The following SLC22A15 variants were observed in gnomAD, a reference collection of about 807,000 sequenced individuals.
SLC22A15 encodes the protein solute carrier family 22 member 15.
SLC22A15 carries 45 observed loss-of-function variants against 62.7 expected under a neutral mutation model. That is an observed-to-expected ratio of 0.72 (90% CI 0.56 to 0.92). SLC22A15 has a LOEUF of 0.92. Ranked by LOEUF, SLC22A15 falls within the 40% of genes least tolerant of loss-of-function variation. The probability of loss-of-function intolerance (pLI) is 0.00; values close to 1 mark genes in which losing one functional copy is unlikely to be tolerated. For missense variants in SLC22A15, 622 were observed against 665.6 expected (o/e 0.93, Z 0.72); for synonymous variants, 264 against 267.0 (o/e 0.99, Z 0.11).
intron 3 of SLC22A15, 126 bp from the exon 4 acceptor site, chr1:116,020,595 C>A: frequency 2.4e-6 from 2 of 819,206 alleles, no homozygotes; most frequent in East Asian, 3.2e-5. Flanking sequence ...AAAAAGAAAC[C>A]CACAAAAACA....
chr1:116,027,656 G>A (rs560014068), intron 5 of SLC22A15, among the ~76,000 whole-genome samples: 36 of 151,026 alleles, frequency 2.4e-4, no homozygotes, highest in African/African-American at 5.4e-4. Flanking sequence ...ACGGAGTTTC[G>A]CCCTTGTTGC....
intron 1 of SLC22A15, among the ~76,000 whole-genome samples, chr1:115,977,618 G>C (rs1270906218): frequency 6.6e-6 from 1 of 152,216 alleles, no homozygotes; most frequent in Non-Finnish European, 1.5e-5. Context: ...TTTAATACGG[G>C]CTAGGATGTG....
chr1:116,000,253 C>T (rs1655654478), intron 2 of SLC22A15, among the ~76,000 whole-genome samples: 1 of 151,986 alleles, frequency 6.6e-6, no homozygotes, highest in Non-Finnish European at 1.5e-5. Context: ...TTTCGTGTAT[C>T]TGTTGTAGGT....
chr1:115,992,481 A>G (rs1311014705), intron 2 of SLC22A15, among the ~76,000 whole-genome samples: 2 of 152,186 alleles, frequency 1.3e-5, no homozygotes, highest in Non-Finnish European at 2.9e-5. Context: ...AAAAGATACA[A>G]ACTCCAAAAG....
chr1:116,027,550 AAAT>A (rs1258893896), intron 5 of SLC22A15, among the ~76,000 whole-genome samples: 1 of 152,160 alleles, frequency 6.6e-6, no homozygotes, highest in African/African-American at 2.4e-5. Context: ...AGGACTCTAT[AAAT>A]GACTGCCCAA....
chr1:116,061,158 G>A (rs1484933231), intron 8 of SLC22A15, among the ~76,000 whole-genome samples: 5 of 152,080 alleles, frequency 3.3e-5, no homozygotes, highest in Non-Finnish European at 5.9e-5. Context: ...TGAGGAACAC[G>A]AATACAAGGA....
intron 4 of SLC22A15, among the ~76,000 whole-genome samples, chr1:116,022,957 G>C (rs1248199851): frequency 6.6e-6 from 1 of 151,966 alleles, no homozygotes; most frequent in Non-Finnish European, 1.5e-5. Flanking sequence ...TCTTCCCCAG[G>C]GTTTTGTCCT....
chr1:116,062,770 G>A lies in SLC22A15; in HGVS notation c.1180G>A (p.Val394Met), dbSNP rs1489713611. The change falls in exon 9 of 12, where the codon GTG (valine) becomes ATG (methionine). Residue 394 changes from valine (V) to methionine (M), a missense_variant. Transcript: ENST00000369503. ...GCCCTTGTCCTCCTCAGACACAGGT[G>A]TGTTTGCAGTGGTGAACAGCCATTC... ...MFLPEKKDTG[V>M]FAVVNSHSLS... The A allele has an allele frequency of 1.2e-6, 2 of 1,613,754 alleles. No homozygotes were observed. The highest frequency in any genetic ancestry group is 1.3e-5 in the African/African-American group (1 of 74,934).
intron 4 of SLC22A15, among the ~76,000 whole-genome samples, chr1:116,026,536 G>C (rs115846537): frequency 1.3e-5 from 2 of 152,126 alleles, no homozygotes; most frequent in African/African-American, 4.8e-5. Context: ...CCTGAAAAGC[G>C]TATTACCCAT....
intron 1 of SLC22A15, 78 bp downstream of exon 1, chr1:115,976,792 C>T: frequency 1.4e-5 from 16 of 1,168,604 alleles, no homozygotes; most frequent in Non-Finnish European, 2.0e-5. Flanking sequence ...GCTCCCAGAC[C>T]GCCGGGGCCG....
rs567646963 is a variant in SLC22A15, at chr1:116,010,807, G to T, written c.301-8775G>T. On this transcript the variant is annotated intron_variant, in intron 2 of 11. Transcript: ENST00000369503. Reference sequence around the variant, plus strand: ...GGAAGCTGCTATTGGCTTCATCCCCGCAGCCTTGAAATACTGACAAGCTAG... The same window carrying T: ...GGAAGCTGCTATTGGCTTCATCCCCTCAGCCTTGAAATACTGACAAGCTAG... 2.0e-5 allele frequency among the ~76,000 whole-genome samples: 3 copies of T among 152,240 alleles called. No homozygotes were observed. The East Asian group carries it at 5.8e-4, about 29-fold the overall frequency.
intron 8 of SLC22A15, among the ~76,000 whole-genome samples, chr1:116,042,825 C>G (rs1002582428): frequency 4.6e-5 from 7 of 152,080 alleles, no homozygotes; most frequent in Admixed American, 4.6e-4. Context: ...CCAATAGGAC[C>G]TGATTTATAG....
intron 5 of SLC22A15, 42 bp from the exon 6 acceptor site, chr1:116,031,324 G>A (rs1164461782): frequency 3.5e-6 from 5 of 1,449,138 alleles, no homozygotes; most frequent in Non-Finnish European, 4.8e-6. Context: ...CTGTGCACGT[G>A]TACCTATATG....
intron 1 of SLC22A15, among the ~76,000 whole-genome samples, chr1:115,990,166 T>A (rs1389041660): frequency 2.6e-5 from 4 of 151,928 alleles, no homozygotes; most frequent in Non-Finnish European, 4.4e-5. Context: ...ATGGAGGAGG[T>A]GATATCTGTG....
At chr1:116,047,244 T>C (rs957011936) in intron 8 of SLC22A15, among the ~76,000 whole-genome samples, 1 of 152,106 alleles carries the variant, frequency 6.6e-6, no homozygotes, top group South Asian at 2.1e-4. Flanking sequence ...CTGGCCAAGA[T>C]GGTGAAACAC....
At chr1:116,059,500 A>G (rs575597747) in intron 8 of SLC22A15, among the ~76,000 whole-genome samples, 1 of 152,320 alleles carries the variant, frequency 6.6e-6, no homozygotes, top group Admixed American at 6.5e-5. Context: ...GGAAAGAACT[A>G]TGTCCTACTG....
intron 8 of SLC22A15, 187 bp downstream of exon 8, chr1:116,037,575 G>T (rs1657665864): frequency 1.8e-6 from 1 of 545,838 alleles, no homozygotes; most frequent in African/African-American, 1.9e-5. Context: ...AATAATGTGT[G>T]TAGAGGTGCA....
intron 8 of SLC22A15, among the ~76,000 whole-genome samples, chr1:116,047,573 C>T (rs1657958452): frequency 6.6e-6 from 1 of 152,120 alleles, no homozygotes; most frequent in Non-Finnish European, 1.5e-5. Context: ...AGAGACAACC[C>T]CCAGTTCCAG....
intron 8 of SLC22A15, among the ~76,000 whole-genome samples, chr1:116,058,420 A>G (rs1272483105): frequency 1.3e-5 from 2 of 152,202 alleles, no homozygotes; most frequent in African/African-American, 2.4e-5. Flanking sequence ...GTGCGATACC[A>G]TCTTACTCCT....
Sources: gnomAD v4.1 joint callset for allele counts (sites outside exome capture counted in the v4.1 genomes callset) on GRCh38, gnomAD v4.1.1 for gene constraint, MANE v1.5 for transcripts, NCBI Gene and HGNC (gene_info 2026-07-23, HGNC 2026-07-21) for gene names.